LINGO2: variants seen among roughly 807,000 people sequenced by gnomAD.
LINGO2 encodes leucine rich repeat and Ig domain containing 2, also known as leucine-rich repeat and immunoglobulin-like domain-containing nogo receptor-interacting protein 2.
A neutral mutation model predicts 30.6 loss-of-function variants in LINGO2; 14 were observed. That is an observed-to-expected ratio of 0.46 (90% CI 0.30 to 0.72). The LOEUF (loss-of-function observed/expected upper bound fraction) is 0.72, where lower values mean the gene tolerates loss of function less well. LINGO2 is among the 30% of genes least tolerant of loss of function. The pLI, the probability that LINGO2 is intolerant of heterozygous loss-of-function variation, is 0.07. For synonymous variants in LINGO2, 317 were observed against 288.5 expected (o/e 1.10, Z -1.00); for missense variants, 729 against 751.7 (o/e 0.97, Z 0.35).
chr9:28,652,108 C>T lies in LINGO2; in HGVS notation c.-365+18092G>A, dbSNP rs558476346. Among the ~76,000 whole-genome samples the T allele has an allele frequency of 2.6e-5, 4 of 152,032 alleles. 1 individual carries two copies. The South Asian group carries it at 8.3e-4, about 32-fold the overall frequency. On this transcript the variant is annotated intron_variant, in intron 1 of 5. Transcript: ENST00000379992. ...GCATGATAATAATTTCTGCATATGC[C>T]TTTTTTCTATTCTATAAGCACAAGG...
At chr9:28,302,676 T>C (rs995605893) in intron 3 of LINGO2, among the ~76,000 whole-genome samples, 1 of 152,116 alleles carries the variant, frequency 6.6e-6, no homozygotes, top group Non-Finnish European at 1.5e-5. Context: ...GTCTCAAATA[T>C]ATATATTATA....
the LINGO2 span, among the ~76,000 whole-genome samples, chr9:29,079,552 C>T: frequency 1.3e-5 from 2 of 151,834 alleles, no homozygotes; most frequent in African/African-American, 2.4e-5. Context: ...CTAAAGTAGG[C>T]CAATATCATA....
At chr9:28,013,680 A>G (rs969731190) in intron 4 of LINGO2, among the ~76,000 whole-genome samples, 4 of 152,150 alleles carry the variant, frequency 2.6e-5, no homozygotes, top group African/African-American at 7.2e-5. Flanking sequence ...GCTTTGCTTT[A>G]TGGTTGGTTC....
chr9:29,166,341 A>C, the LINGO2 span, among the ~76,000 whole-genome samples: 1 of 152,106 alleles, frequency 6.6e-6, no homozygotes. Context: ...CGTTTTACTT[A>C]AGCCAGAATA....
At chr9:28,489,659 G>A (rs902124704) in intron 1 of LINGO2, among the ~76,000 whole-genome samples, 1 of 151,896 alleles carries the variant, frequency 6.6e-6, no homozygotes, top group East Asian at 1.9e-4. Context: ...AGCACTTTGG[G>A]AGGCCGAGGC....
the LINGO2 span, among the ~76,000 whole-genome samples, chr9:28,835,848 C>T: frequency 6.6e-6 from 1 of 152,160 alleles, no homozygotes; most frequent in Non-Finnish European, 1.5e-5. Context: ...TAGACCTCTA[C>T]AGTCCCCATT....
chr9:28,958,324 T>C, the LINGO2 span, among the ~76,000 whole-genome samples: 1 of 152,136 alleles, frequency 6.6e-6, no homozygotes, highest in Admixed American at 6.6e-5. Context: ...CCTGTAATGA[T>C]GAATCAAATT....
At chr9:28,254,548 C>A (rs1186911926) in intron 4 of LINGO2, among the ~76,000 whole-genome samples, 1 of 152,020 alleles carries the variant, frequency 6.6e-6, no homozygotes, top group African/African-American at 2.4e-5. Context: ...GAAGAAAAAT[C>A]TTATAGTTCT....
At chr9:29,097,552 T>C in the LINGO2 span, among the ~76,000 whole-genome samples, 1 of 138,640 alleles carries the variant, frequency 7.2e-6, no homozygotes, top group Admixed American at 7.3e-5. Flanking sequence ...ATTAACAAAA[T>C]GCTATTAAAA....
At chr9:28,374,182 T>A (rs886974269) in intron 2 of LINGO2, among the ~76,000 whole-genome samples, 1 of 143,974 alleles carries the variant, frequency 6.9e-6, no homozygotes, top group Admixed American at 7.3e-5. Context: ...GTAACATGAC[T>A]CTACTTTTGT....
the LINGO2 span, among the ~76,000 whole-genome samples, chr9:28,782,008 T>C: frequency 6.6e-6 from 1 of 152,196 alleles, no homozygotes; most frequent in Non-Finnish European, 1.5e-5. Flanking sequence ...AGTCATATTT[T>C]AGTTTTTTGA....
the LINGO2 span, among the ~76,000 whole-genome samples, chr9:29,056,308 G>A: frequency 1.8e-4 from 28 of 152,160 alleles, no homozygotes; most frequent in East Asian, 5.4e-3. Context: ...GGAGTAAGGT[G>A]GTATCACACT....
chr9:28,892,072 T>A, the LINGO2 span, among the ~76,000 whole-genome samples: 1 of 151,984 alleles, frequency 6.6e-6, no homozygotes, highest in African/African-American at 2.4e-5. Context: ...TAAATTTTTT[T>A]ACCTCATCAA....
the LINGO2 span, among the ~76,000 whole-genome samples, chr9:28,713,442 A>G: frequency 1.3e-5 from 2 of 152,126 alleles, no homozygotes; most frequent in African/African-American, 2.4e-5. Context: ...GTTAGTTATG[A>G]TCATATGACT....
chr9:28,374,620 T>C (rs970472526), intron 2 of LINGO2, among the ~76,000 whole-genome samples: 3 of 152,104 alleles, frequency 2.0e-5, no homozygotes, highest in African/African-American at 7.2e-5. Flanking sequence ...CAAATAAGGA[T>C]GGAAGCTCTA....
At chr9:28,052,199 A>G (rs1386521088) in intron 4 of LINGO2, among the ~76,000 whole-genome samples, 1 of 152,132 alleles carries the variant, frequency 6.6e-6, no homozygotes, top group African/African-American at 2.4e-5. Context: ...AAAGAAAACC[A>G]AAATATTCCT....
the LINGO2 span, among the ~76,000 whole-genome samples, chr9:28,975,425 A>C: frequency 1.3e-5 from 2 of 152,180 alleles, no homozygotes; most frequent in Admixed American, 1.3e-4. Context: ...GGCGTAACCT[A>C]AACTTTTAAT....
intron 2 of LINGO2, among the ~76,000 whole-genome samples, chr9:28,386,484 A>G (rs373002021): frequency 5.9e-5 from 9 of 152,344 alleles, no homozygotes; most frequent in African/African-American, 1.9e-4. Flanking sequence ...ATATAATTCA[A>G]TGAATGAGTC....
At chr9:29,044,643 TCTTTA>T in the LINGO2 span, among the ~76,000 whole-genome samples, 1 of 152,068 alleles carries the variant, frequency 6.6e-6, no homozygotes, top group Non-Finnish European at 1.5e-5. Flanking sequence ...ATGAGGTTAG[TCTTTA>T]CTTTGTTGTT....
Sources: allele counts gnomAD v4.1 joint callset (sites outside exome capture counted in the v4.1 genomes callset), GRCh38; gene constraint gnomAD v4.1.1; transcripts MANE v1.5; gene names NCBI Gene and HGNC (gene_info 2026-07-23, HGNC 2026-07-21).